Variants in EYA1 observed in about 807,000 individuals in gnomAD.
EYA1 encodes EYA transcriptional coactivator and phosphatase 1.
In EYA1, 16 loss-of-function variants were observed where a neutral mutation model predicts 82.0. That is an observed-to-expected ratio of 0.20 (90% CI 0.13 to 0.30). The LOEUF (loss-of-function observed/expected upper bound fraction) is 0.30, where lower values mean the gene tolerates loss of function less well. EYA1 is among the 10% of genes least tolerant of loss of function. EYA1 has a pLI of 1.00. For missense variants in EYA1, 633 were observed against 730.7 expected (o/e 0.87, Z 1.54); for synonymous variants, 261 against 264.4 (o/e 0.99, Z 0.12).
intron 9 of EYA1, among the ~76,000 whole-genome samples, chr8:71,284,726 G>A (rs1467078122): frequency 1.3e-5 from 2 of 152,080 alleles, no homozygotes; most frequent in African/African-American, 2.4e-5. Flanking sequence ...TAACTTAACC[G>A]AATTCTGATG....
At chr8:71,350,858 A>T (rs1826236736) in intron 3 of EYA1, among the ~76,000 whole-genome samples, 1 of 152,230 alleles carries the variant, frequency 6.6e-6, no homozygotes, top group South Asian at 2.1e-4. Flanking sequence ...GATGGAAAGA[A>T]TCACTGCTTT....
At chr8:71,207,060 T>C (rs1337352090) in intron 17 of EYA1, among the ~76,000 whole-genome samples, 1 of 152,200 alleles carries the variant, frequency 6.6e-6, no homozygotes, top group Non-Finnish European at 1.5e-5. Context: ...GTAGCAATTT[T>C]TGTTACTTAC....
chr8:71,226,108 G>A (rs1192822372), intron 12 of EYA1, among the ~76,000 whole-genome samples: 3 of 152,118 alleles, frequency 2.0e-5, no homozygotes, highest in Admixed American at 6.6e-5. Context: ...CTATGTGCTG[G>A]TATATGCATA....
chr8:71,303,315 T>TATACAC (rs1554543363), intron 7 of EYA1, among the ~76,000 whole-genome samples: 15 of 131,886 alleles, frequency 1.1e-4, no homozygotes, highest in African/African-American at 3.8e-4. Context: ...ACATTTGATA[T>TATACAC]ACACACACAC....
chr8:71,437,055 CAT>C (rs34634844), intron 2 of EYA1, among the ~76,000 whole-genome samples: 1 of 144,764 alleles, frequency 6.9e-6, no homozygotes, highest in Non-Finnish European at 1.5e-5. Context: ...TGTATATCTA[CAT>C]ATATATATAT....
At chr8:71,330,211 G>C (rs1823666680) in intron 4 of EYA1, among the ~76,000 whole-genome samples, 1 of 152,134 alleles carries the variant, frequency 6.6e-6, no homozygotes, top group African/African-American at 2.4e-5. Context: ...TGAAGAATCG[G>C]ATAGGAACTC....
intron 1 of EYA1, among the ~76,000 whole-genome samples, chr8:71,358,040 G>A (rs1194258226): frequency 1.3e-5 from 2 of 150,876 alleles, no homozygotes; most frequent in African/African-American, 4.9e-5. Flanking sequence ...TTAGTTTTAA[G>A]AACTCTCCTG....
intron 2 of EYA1, among the ~76,000 whole-genome samples, chr8:71,392,679 A>G (rs1443896967): frequency 6.6e-6 from 1 of 152,184 alleles, no homozygotes; most frequent in African/African-American, 2.4e-5. Flanking sequence ...TCAGGATTTC[A>G]GTTTCTTCTT....
intron 2 of EYA1, among the ~76,000 whole-genome samples, chr8:71,493,107 T>C (rs531264888): frequency 4.2e-4 from 64 of 152,368 alleles, no homozygotes; most frequent in Middle Eastern, 6.8e-3. Context: ...TTCTATTTTA[T>C]GGCTGTATAG....
At chr8:71,245,198 A>C (rs948749621) in intron 11 of EYA1, among the ~76,000 whole-genome samples, 4 of 152,178 alleles carry the variant, frequency 2.6e-5, no homozygotes, top group South Asian at 2.1e-4. Context: ...ACAAATTCAT[A>C]AACTTTTCTT....
intron 2 of EYA1, among the ~76,000 whole-genome samples, chr8:71,530,211 T>A (rs1361627497): frequency 2.0e-5 from 3 of 152,164 alleles, no homozygotes; most frequent in African/African-American, 7.2e-5. Context: ...ACAAAGGCCA[T>A]GTGACAATAT....
At chr8:71,449,691 AG>A (rs1563624852) in intron 2 of EYA1, among the ~76,000 whole-genome samples, 1 of 152,216 alleles carries the variant, frequency 6.6e-6, no homozygotes, top group African/African-American at 2.4e-5. Context: ...GCCCCTAACC[AG>A]AGAGTCAGCC....
intron 3 of EYA1, among the ~76,000 whole-genome samples, chr8:71,351,246 C>T (rs1005575177): frequency 4.6e-5 from 7 of 152,140 alleles, no homozygotes; most frequent in African/African-American, 9.7e-5. Context: ...AGTTGAAAGA[C>T]GGGCCATGAT....
chr8:71,462,893 G>T (rs1385957945), intron 2 of EYA1, among the ~76,000 whole-genome samples: 2 of 152,150 alleles, frequency 1.3e-5, no homozygotes, highest in African/African-American at 4.8e-5. Context: ...CCTCCCCACT[G>T]CAGCCAGCGT....
intron 11 of EYA1, 67 bp downstream of exon 11, chr8:71,269,673 G>T (rs1437957676): frequency 1.1e-5 from 12 of 1,103,462 alleles, no homozygotes; most frequent in Admixed American, 1.9e-5. Context: ...CATTCATTTG[G>T]ATAATAAACA....
chr8:71,322,172 T>C, intron 5 of EYA1, 27 bp downstream of exon 5: 1 of 1,577,972 alleles, frequency 6.3e-7, no homozygotes, highest in Admixed American at 1.7e-5. Flanking sequence ...AGAAGTTATT[T>C]ATTGATTAAG....
intron 2 of EYA1, among the ~76,000 whole-genome samples, chr8:71,533,754 T>C (rs1489638613): frequency 6.6e-6 from 1 of 152,204 alleles, no homozygotes; most frequent in Non-Finnish European, 1.5e-5. Flanking sequence ...GAAGAGATTG[T>C]GACACCTCCT....
intron 11 of EYA1, among the ~76,000 whole-genome samples, chr8:71,267,463 A>G (rs1413021161): frequency 6.6e-6 from 1 of 152,188 alleles, no homozygotes; most frequent in Non-Finnish European, 1.5e-5. Context: ...AAACTTATCA[A>G]TGAAGGATAC....
chr8:71,510,441 A>G (rs1342008051), intron 2 of EYA1, among the ~76,000 whole-genome samples: 2 of 152,220 alleles, frequency 1.3e-5, no homozygotes, highest in African/African-American at 4.8e-5. Flanking sequence ...TGGGTAATTT[A>G]TAAAGAAAAG....
Sources: allele counts gnomAD v4.1 joint callset (sites outside exome capture counted in the v4.1 genomes callset), GRCh38; gene constraint gnomAD v4.1.1; transcripts MANE v1.5; gene names NCBI Gene and HGNC (gene_info 2026-07-23, HGNC 2026-07-21).